Variants in SIRT5 observed in about 807,000 individuals in gnomAD.
The protein encoded by SIRT5 is sirtuin 5.
Under a neutral mutation model 40.0 loss-of-function variants are expected in SIRT5, and 26 were observed. That is an observed-to-expected ratio of 0.65 (90% CI 0.48 to 0.90). SIRT5 has a LOEUF of 0.90. Among genes scored for constraint, SIRT5 ranks in the 40% least tolerant of loss-of-function variants. SIRT5 has a pLI of 0.00. For missense variants in SIRT5, 401 were observed against 402.4 expected (o/e 1.00, Z 0.03); for synonymous variants, 146 against 149.1 (o/e 0.98, Z 0.15).
chr6:13,610,823 G>T (rs1481594580), intron 9 of SIRT5, among the ~76,000 whole-genome samples: 3 of 152,138 alleles, frequency 2.0e-5, no homozygotes, highest in Non-Finnish European at 1.5e-5. Context: ...TCTGTTGATA[G>T]AACAAAGCAT....
rs1308560100 is a variant in SIRT5 at position 13,584,196 on chromosome 6, T to C, written c.86T>C (p.Ile29Thr). The C allele has an allele frequency of 1.3e-5, 21 of 1,613,978 alleles. No individual in the cohort carries two copies. Among genetic ancestry groups the C allele is most frequent in the Non-Finnish European group, 1.7e-5 (20 of 1,180,018 alleles). Residue 29 changes from isoleucine (I) to threonine (T), a missense_variant, in exon 3 of 10, where the codon ATT becomes ACT. By Grantham distance (89) the Ile-to-Thr change is moderately conservative (BLOSUM62 -1). Transcript: ENST00000606117. ...CCTCCAGCGTCCACACGAAACCAGA[T>C]TTGCCTGAAAATGGCTCGGCCAAGT... ...LKPPASTRNQ[I>T]CLKMARPSSS... is the part of the protein sequence containing the mutation.
At chr6:13,581,885 C>T (rs1053842816) in intron 2 of SIRT5, among the ~76,000 whole-genome samples, 1 of 152,162 alleles carries the variant, frequency 6.6e-6, no homozygotes, top group Non-Finnish European at 1.5e-5. Flanking sequence ...ACCAAACATC[C>T]TCCCATGCCG....
chr6:13,583,289 CTTT>C (rs765557886), intron 2 of SIRT5, among the ~76,000 whole-genome samples: 1 of 100,534 alleles, frequency 9.9e-6, no homozygotes. Flanking sequence ...CTTCTTTGTT[CTTT>C]TTTTTTTTTT....
chr6:13,574,274 C>T (rs996367649), upstream of SIRT5, among the ~76,000 whole-genome samples: 34 of 152,074 alleles, frequency 2.2e-4, no homozygotes, highest in Admixed American at 2.0e-4. Context: ...GCCCCACGGC[C>T]TCCTCTCCAG....
At chr6:13,577,034 T>C (rs555323008) in intron 1 of SIRT5, among the ~76,000 whole-genome samples, 3 of 152,254 alleles carry the variant, frequency 2.0e-5, no homozygotes, top group Non-Finnish European at 4.4e-5. Context: ...GCCAGTGCCA[T>C]GCAGTTTTGA....
intron 1 of SIRT5, among the ~76,000 whole-genome samples, chr6:13,577,841 A>T (rs970554398): frequency 3.9e-5 from 6 of 151,986 alleles, no homozygotes; most frequent in African/African-American, 1.4e-4. Context: ...TGGCTAGGAC[A>T]TCTAGTACTA....
chr6:13,588,539 C>T (rs149654984), intron 4 of SIRT5, 75 bp downstream of exon 4: 50 of 1,499,948 alleles, frequency 3.3e-5, no homozygotes, highest in African/African-American at 1.1e-4. Flanking sequence ...AATCCTATAC[C>T]GATCCCCGAA....
intron 2 of SIRT5, among the ~76,000 whole-genome samples, chr6:13,580,284 C>T (rs935283855): frequency 3.9e-5 from 6 of 152,130 alleles, no homozygotes; most frequent in African/African-American, 9.7e-5. Flanking sequence ...ACATTGAAAA[C>T]GTGTTGACTT....
chr6:13,593,871 A>G (rs1341525519), intron 5 of SIRT5, among the ~76,000 whole-genome samples: 2 of 152,214 alleles, frequency 1.3e-5, no homozygotes, highest in South Asian at 2.1e-4. Context: ...TAGCTCTTCT[A>G]AATGATTCTG....
At chr6:13,592,463 C>G (rs1192912731) in intron 5 of SIRT5, among the ~76,000 whole-genome samples, 1 of 152,204 alleles carries the variant, frequency 6.6e-6, no homozygotes, top group Admixed American at 6.5e-5. Flanking sequence ...CTGGTGGGCA[C>G]TCCCCACTGA....
intron 3 of SIRT5, among the ~76,000 whole-genome samples, chr6:13,585,485 G>A (rs1162064601): frequency 6.6e-6 from 1 of 151,464 alleles, no homozygotes; most frequent in Admixed American, 6.6e-5. Flanking sequence ...GAGTGAGAAC[G>A]TGTGGTGTTT....
chr6:13,582,588 A>G (rs940495723), intron 2 of SIRT5, among the ~76,000 whole-genome samples: 1 of 150,516 alleles, frequency 6.6e-6, no homozygotes, highest in African/African-American at 2.5e-5. Flanking sequence ...ATCGAGATAT[A>G]TAACAATACC....
At chr6:13,575,200 G>A (rs1340450205) in intron 1 of SIRT5, among the ~76,000 whole-genome samples, 1 of 152,196 alleles carries the variant, frequency 6.6e-6, no homozygotes, top group East Asian at 1.9e-4. Context: ...AGGGCGGGGA[G>A]GCCGCATGCA....
Position 13,600,846 on chromosome 6 carries a change from T to C in SIRT5, c.754T>C (p.Ser252Pro), listed in dbSNP as rs199571351. The C allele has an allele frequency of 6.2e-7, 1 of 1,612,964 alleles. No individual in the cohort carries two copies. Among genetic ancestry groups the C allele is most frequent in the Non-Finnish European group, 8.5e-7 (1 of 1,179,508 alleles). Residue 252 changes from serine to proline, a missense_variant, in exon 9 of 10, where the codon TCT becomes CCT. Coordinates refer to ENST00000606117, the MANE Select transcript of SIRT5 (RefSeq NM_012241.5). ...ACTTGCCTTGTAGGTGGGCACTTCC[T>C]CTGTGGTGTACCCAGCAGCCATGTT... ...CDLCLVVGTS[S>P]VVYPAAMFAP...
upstream of SIRT5, among the ~76,000 whole-genome samples, chr6:13,574,318 C>T (rs1326739759): frequency 1.3e-5 from 2 of 152,128 alleles, no homozygotes; most frequent in African/African-American, 4.8e-5. Flanking sequence ...TGCGTCTCTG[C>T]CTGCGCCGGG....
intron 9 of SIRT5, chr6:13,604,992 C>T (rs180936707): frequency 1.0e-6 from 1 of 988,714 alleles, no homozygotes; most frequent in South Asian, 4.6e-5. Context: ...TTTTTCTTGG[C>T]ATCATCAAAG....
rs145972102 is a variant in SIRT5 at position 13,595,533 on chromosome 6, A to C, written c.532A>C (p.Ser178Arg). 3.8e-4 allele frequency: 613 copies of C among 1,614,104 alleles called. 1 individual carries two copies. The African/African-American group carries it at 7.1e-3, about 19-fold the overall frequency. ...SCGVVAENYK[S>R]PICPALSGKG... Reference sequence around the variant, plus strand: ...TGGAGTTGTGGCTGAGAATTACAAGAGTCCAATTTGTCCAGCTTTATCAGG... The same window carrying C: ...TGGAGTTGTGGCTGAGAATTACAAGCGTCCAATTTGTCCAGCTTTATCAGG... Residue 178 changes from serine (S) to arginine (R), a missense_variant, in exon 6 of 10, where the codon AGT becomes CGT. Ser to Arg is a moderately radical substitution (Grantham distance 110, BLOSUM62 -1). Transcript: ENST00000606117.
At chr6:13,609,310 C>G (rs978338732) in intron 9 of SIRT5, among the ~76,000 whole-genome samples, 1 of 152,024 alleles carries the variant, frequency 6.6e-6, no homozygotes. Flanking sequence ...TGAGGGAGAC[C>G]GGACCCCCGT....
chr6:13,593,273 T>C (rs1761164825), intron 5 of SIRT5, among the ~76,000 whole-genome samples: 1 of 152,202 alleles, frequency 6.6e-6, no homozygotes, highest in Non-Finnish European at 1.5e-5. Context: ...TGTTTGTTTT[T>C]GCGTGTGTGT....
Sources: allele counts gnomAD v4.1 joint callset (sites outside exome capture counted in the v4.1 genomes callset), GRCh38; gene constraint gnomAD v4.1.1; transcripts MANE v1.5; gene names NCBI Gene and HGNC (gene_info 2026-07-23, HGNC 2026-07-21).